OGDH: variants seen among roughly 807,000 people sequenced by gnomAD.
The protein encoded by OGDH is 2-oxoglutarate dehydrogenase complex component E1.
A neutral mutation model predicts 116.6 loss-of-function variants in OGDH; 38 were observed. That is an observed-to-expected ratio of 0.33 (90% CI 0.25 to 0.43). The LOEUF (loss-of-function observed/expected upper bound fraction) is 0.43. OGDH is among the 20% of genes least tolerant of loss of function. The probability of loss-of-function intolerance (pLI) is 1.00; values close to 1 mark genes in which losing one functional copy is unlikely to be tolerated. For missense variants in OGDH, 825 were observed against 1,357.2 expected (o/e 0.61, Z 6.16); for synonymous variants, 488 against 533.3 (o/e 0.92, Z 1.17).
chr7:44,617,629 A>G (rs1466974725), intron 1 of OGDH, among the ~76,000 whole-genome samples: 1 of 152,218 alleles, frequency 6.6e-6, no homozygotes, highest in East Asian at 1.9e-4. Flanking sequence ...TTGTATTACT[A>G]CTAAAACAAA....
chr7:44,639,008 A>G (rs1785799657), intron 2 of OGDH, among the ~76,000 whole-genome samples: 1 of 152,212 alleles, frequency 6.6e-6, no homozygotes, highest in Non-Finnish European at 1.5e-5. Flanking sequence ...GCTCTCCCAG[A>G]TAGTGACAAA....
intron 4 of OGDH, 113 bp from the exon 5 acceptor site, chr7:44,666,623 C>G: frequency 4.4e-6 from 2 of 453,680 alleles, no homozygotes; most frequent in Admixed American, 4.1e-5. Flanking sequence ...TGATTTTTTT[C>G]TTCTCTTTTT....
intron 1 of OGDH, among the ~76,000 whole-genome samples, chr7:44,609,922 A>G (rs1784498833): frequency 6.6e-6 from 1 of 151,828 alleles, no homozygotes; most frequent in East Asian, 1.9e-4. Flanking sequence ...TGTAATTTGC[A>G]TTTTTCTGAT....
intron 13 of OGDH, 97 bp downstream of exon 13, chr7:44,696,224 C>A: frequency 9.4e-7 from 1 of 1,068,712 alleles, no homozygotes; most frequent in Non-Finnish European, 1.4e-6. Flanking sequence ...CCACTTTGTA[C>A]CCACAATGCA....
At chr7:44,651,210 G>T (rs1169198356) in intron 4 of OGDH, among the ~76,000 whole-genome samples, 1 of 152,180 alleles carries the variant, frequency 6.6e-6, no homozygotes, top group African/African-American at 2.4e-5. Flanking sequence ...AGGGAATTCT[G>T]TCCACTCTGA....
chr7:44,618,141 T>C (rs17133537), intron 1 of OGDH, among the ~76,000 whole-genome samples: 69,755 of 152,000 alleles, frequency 0.46, 16,140 homozygotes, highest in East Asian at 0.6. Context: ...TGTGTTTATT[T>C]TTGCATCTTG....
chr7:44,639,025 C>T (rs560713116), intron 2 of OGDH, among the ~76,000 whole-genome samples: 81 of 152,090 alleles, frequency 5.3e-4, no homozygotes, highest in Non-Finnish European at 1.1e-3. Context: ...CAAAGCTAAG[C>T]GACCATGTGA....
Position 44,666,753 on chromosome 7 carries a change from G to C in OGDH, c.535G>C (p.Glu179Gln). 2 of 1,611,264 alleles carry C rather than the reference G, an allele frequency of 1.2e-6. No individual in the cohort carries two copies. The highest frequency in any genetic ancestry group is 1.7e-6 in the Non-Finnish European group (2 of 1,178,568). The change falls in exon 5 of 23, where the codon GAG (glutamate) becomes CAG (glutamine). Residue 179 changes from glutamate (E) to glutamine (Q), a missense_variant. Coordinates refer to ENST00000222673, the MANE Select transcript of OGDH (RefSeq NM_002541.4). ...TDKLGFYGLDESDLDKVFHLP... is the reference protein window; with the variant it reads ...TDKLGFYGLDQSDLDKVFHLP... The stretch of plus-strand genomic sequence containing the variant: ...CCCTGCAGGGTTCTATGGCCTGGAT[G>C]AGTCTGACCTCGACAAGGTCTTCCA...
chr7:44,681,720 G>T lies in OGDH; in HGVS notation c.1207G>T (p.Val403Phe). ...FYCGDTEGKK[V>F]MSILLHGDAA... is the part of the protein sequence containing the mutation. ...TTGGGGTCTCCTTTGGTGTTTACAG[G>T]TCATGTCCATCCTGTTGCATGGGGA... The change falls in exon 10 of 23, where the codon GTC (valine) becomes TTC (phenylalanine). Residue 403 changes from valine (V) to phenylalanine (F), a missense_variant and splice_region_variant. Transcript: ENST00000222673. The T allele has an allele frequency of 6.2e-7, 1 of 1,614,034 alleles. No homozygotes were observed. Among genetic ancestry groups the T allele is most frequent in the Non-Finnish European group, 8.5e-7 (1 of 1,179,954 alleles).
intron 2 of OGDH, among the ~76,000 whole-genome samples, chr7:44,627,503 ATC>A (rs898834406): frequency 1.3e-4 from 20 of 152,344 alleles, no homozygotes; most frequent in African/African-American, 3.8e-4. Context: ...TAGATCATCT[ATC>A]TCATCTTCTG....
chr7:44,624,500 A>G lies in OGDH; in HGVS notation c.157A>G (p.Thr53Ala), dbSNP rs1356024750. ...TGCTGCTGAGCCCTTTCTCAGTGGG[A>G]CTAGTTCGAACTATGTGGAGGAGAT... ...PVAAEPFLSG[T>A]SSNYVEEMYC... The change falls in exon 2 of 23, where the codon ACT becomes GCT. Residue 53 changes from threonine to alanine, a missense_variant. Thr to Ala is a moderately conservative substitution (Grantham distance 58). Around this residue, in one of 7 missense-constraint regions of OGDH, gnomAD observed 126 missense variants for 130.4 expected, o/e 0.97. Coordinates refer to ENST00000222673, the MANE Select transcript of OGDH (RefSeq NM_002541.4). 5 of 1,613,870 alleles carry G rather than the reference A, an allele frequency of 3.1e-6. No homozygotes were observed. In the South Asian group the frequency reaches 5.5e-5, roughly 18 times the overall value.
At chr7:44,678,160 C>T (rs1031602166) in intron 9 of OGDH, among the ~76,000 whole-genome samples, 4 of 152,056 alleles carry the variant, frequency 2.6e-5, no homozygotes, top group African/African-American at 9.7e-5. Context: ...GGCCTTAGCT[C>T]TGGGGAACCT....
intron 1 of OGDH, among the ~76,000 whole-genome samples, chr7:44,613,581 A>G (rs935821667): frequency 1.3e-5 from 2 of 150,432 alleles, no homozygotes; most frequent in Non-Finnish European, 3.0e-5. Context: ...GGATGGTCTC[A>G]ATCTCCTGGC....
chr7:44,676,617 T>C (rs1490156638), intron 9 of OGDH: 1 of 21,492 alleles, frequency 4.7e-5, no homozygotes, highest in East Asian at 4.2e-3. Flanking sequence ...TGTGTGTGTA[T>C]ATATATATAT....
chr7:44,694,480 G>A lies in OGDH; in HGVS notation c.1572G>A (p.Pro524=), dbSNP rs555628064. 1.1e-5 allele frequency: 17 copies of A among 1,613,930 alleles called. No homozygotes were observed. The highest frequency in any genetic ancestry group is 2.2e-5 in the East Asian group (1 of 44,862). The part of the protein sequence containing the change: ...NEMDEPMFTQ[P]LMYKQIRKQK... ...TGGATGAGCCCATGTTCACGCAGCC[G>A]CTCATGTACAAGCAGATCCGCAAGC... The change falls in exon 12 of 23, where the codon CCG becomes CCA. Residue 524 remains proline, a synonymous_variant. Transcript: ENST00000222673. This position sits in a 1 kb window ranked among gnomAD's most constrained non-coding sequence, Gnocchi z 4.2.
At chr7:44,649,894 G>T (rs947773588) in intron 4 of OGDH, among the ~76,000 whole-genome samples, 6 of 152,178 alleles carry the variant, frequency 3.9e-5, no homozygotes, top group African/African-American at 1.2e-4. Context: ...TGTGAGGTTT[G>T]TGGTTCCAGA....
chr7:44,630,870 C>A (rs1465737635), intron 2 of OGDH, among the ~76,000 whole-genome samples: 1 of 152,186 alleles, frequency 6.6e-6, no homozygotes, highest in Non-Finnish European at 1.5e-5. Context: ...TGTTCCACCT[C>A]ACATCAGGCA....
At chr7:44,662,121 T>C (rs1337668046) in intron 4 of OGDH, among the ~76,000 whole-genome samples, 6 of 152,232 alleles carry the variant, frequency 3.9e-5, no homozygotes, top group Non-Finnish European at 7.3e-5. Context: ...GACAGAGTTA[T>C]AAGTTTGCTT....
chr7:44,675,132 A>G (rs2116162767), intron 7 of OGDH, 46 bp from the exon 8 acceptor site: 3 of 1,509,226 alleles, frequency 2.0e-6, no homozygotes, highest in Non-Finnish European at 2.8e-6. Flanking sequence ...CCATCTGGAA[A>G]CCATGACCTC....
Sources: allele counts gnomAD v4.1 joint callset (sites outside exome capture counted in the v4.1 genomes callset), GRCh38; gene constraint gnomAD v4.1.1; regional missense constraint gnomAD v4.1.1; non-coding constraint Gnocchi (gnomAD v3.1); transcripts MANE v1.5; gene names NCBI Gene and HGNC (gene_info 2026-07-23, HGNC 2026-07-21).